The following DYNC1I1 variants were observed in gnomAD, a reference collection of about 807,000 sequenced individuals.
DYNC1I1 encodes dynein cytoplasmic 1 intermediate chain 1.
In DYNC1I1, 43 loss-of-function variants were observed where a neutral mutation model predicts 86.6. The ratio of observed to expected loss-of-function variants is 0.50; its 90% CI spans 0.39 to 0.64. DYNC1I1 has a LOEUF of 0.64. Ranked by LOEUF, DYNC1I1 falls within the 30% of genes least tolerant of loss-of-function variation. DYNC1I1 has a pLI of 0.00. For missense variants in DYNC1I1, 604 were observed against 788.8 expected, an observed-to-expected ratio of 0.77 and a Z score of 2.81; for synonymous variants, 262 against 283.7, an observed-to-expected ratio of 0.92 and a Z score of 0.77.
intron 14 of DYNC1I1, among the ~76,000 whole-genome samples, chr7:96,055,592 A>C (rs1356492835): frequency 2.6e-5 from 4 of 152,158 alleles, no homozygotes; most frequent in Non-Finnish European, 4.4e-5. Flanking sequence ...ATTGTGTGTA[A>C]TACTAGCAAA....
intron 6 of DYNC1I1, among the ~76,000 whole-genome samples, chr7:95,957,265 CT>C: frequency 6.6e-6 from 1 of 152,280 alleles, no homozygotes; most frequent in South Asian, 2.1e-4. Flanking sequence ...TTGTGAGTTG[CT>C]GCTTAGAAAT....
intron 16 of DYNC1I1, among the ~76,000 whole-genome samples, chr7:96,094,460 G>A (rs999443997): frequency 6.6e-6 from 1 of 152,150 alleles, no homozygotes; most frequent in Non-Finnish European, 1.5e-5. Context: ...ACTGCCAAGG[G>A]TAAGAAGGGC....
chr7:96,025,623 T>A (rs547761137), intron 10 of DYNC1I1, among the ~76,000 whole-genome samples: 3 of 152,250 alleles, frequency 2.0e-5, no homozygotes, highest in South Asian at 4.1e-4. Context: ...ACATTTAAAA[T>A]TTTTTGAAAT....
chr7:95,827,465 A>T (rs949576865), intron 4 of DYNC1I1, among the ~76,000 whole-genome samples: 33 of 152,224 alleles, frequency 2.2e-4, no homozygotes, highest in African/African-American at 7.7e-4. Flanking sequence ...GATATAATCA[A>T]TCCCTGACAT....
intron 2 of DYNC1I1, among the ~76,000 whole-genome samples, chr7:95,809,057 A>G (rs553563208): frequency 2.0e-5 from 3 of 152,284 alleles, no homozygotes; most frequent in Non-Finnish European, 4.4e-5. Flanking sequence ...ATTTTGGGTT[A>G]TGCAGAGTGT....
At chr7:95,824,361 C>G (rs901308593) in intron 4 of DYNC1I1, among the ~76,000 whole-genome samples, 3 of 151,946 alleles carry the variant, frequency 2.0e-5, no homozygotes, top group Non-Finnish European at 4.4e-5. Flanking sequence ...CCCTCTGTTA[C>G]AGTATTTTGT....
chr7:95,940,138 TG>T (rs1466330085), intron 6 of DYNC1I1, among the ~76,000 whole-genome samples: 7 of 152,256 alleles, frequency 4.6e-5, no homozygotes, highest in African/African-American at 1.7e-4. Flanking sequence ...CACTCTCTTC[TG>T]GCTTGCAGAG....
At chr7:95,970,393 A>G (rs1034392737) in intron 6 of DYNC1I1, among the ~76,000 whole-genome samples, 1 of 152,070 alleles carries the variant, frequency 6.6e-6, no homozygotes, top group Admixed American at 6.6e-5. Context: ...TAAAACCTCC[A>G]GTTTCTCTGC....
At chr7:95,998,511 A>G (rs1284161842) in intron 10 of DYNC1I1, among the ~76,000 whole-genome samples, 1 of 152,226 alleles carries the variant, frequency 6.6e-6, no homozygotes, top group East Asian at 1.9e-4. Context: ...CTTTTCTTCT[A>G]TCCTATCTGA....
At chr7:95,782,520 A>G (rs564383816) in intron 1 of DYNC1I1, among the ~76,000 whole-genome samples, 264 of 152,340 alleles carry the variant, frequency 1.7e-3, no homozygotes, top group Non-Finnish European at 2.7e-3. Context: ...GAGCATGCAG[A>G]CAGGCAGGTG....
intron 6 of DYNC1I1, among the ~76,000 whole-genome samples, chr7:95,871,973 C>A (rs976278671): frequency 4.6e-5 from 7 of 152,236 alleles, no homozygotes; most frequent in African/African-American, 1.4e-4. Context: ...TGGATTTGGA[C>A]AGAAAAACCT....
chr7:96,037,444 C>G (rs1292262986), intron 13 of DYNC1I1, among the ~76,000 whole-genome samples: 1 of 152,126 alleles, frequency 6.6e-6, no homozygotes, highest in Non-Finnish European at 1.5e-5. Context: ...ACACAAATAT[C>G]TGGAACATGA....
intron 6 of DYNC1I1, among the ~76,000 whole-genome samples, chr7:95,955,660 A>G (rs578234144): frequency 7.9e-4 from 121 of 152,260 alleles, no homozygotes; most frequent in African/African-American, 2.7e-3. Flanking sequence ...ATGTATGAAA[A>G]TGTTCACTTT....
intron 5 of DYNC1I1, among the ~76,000 whole-genome samples, chr7:95,836,469 T>C (rs1347310041): frequency 6.6e-6 from 1 of 151,434 alleles, no homozygotes; most frequent in African/African-American, 2.4e-5. Context: ...TCTCGAGGAG[T>C]ATCTTTGTGG....
At chr7:95,918,699 A>C (rs1318471683) in intron 6 of DYNC1I1, among the ~76,000 whole-genome samples, 1 of 152,204 alleles carries the variant, frequency 6.6e-6, no homozygotes, top group African/African-American at 2.4e-5. Flanking sequence ...GGTGAATGGA[A>C]GGTTGCTGAG....
intron 10 of DYNC1I1, among the ~76,000 whole-genome samples, chr7:96,013,900 T>G (rs1442716601): frequency 6.6e-6 from 1 of 152,136 alleles, no homozygotes; most frequent in Non-Finnish European, 1.5e-5. Flanking sequence ...ATGAAGAAAT[T>G]AAGCCCAACA....
intron 6 of DYNC1I1, among the ~76,000 whole-genome samples, chr7:95,872,931 G>A (rs1472123069): frequency 1.3e-5 from 2 of 152,150 alleles, no homozygotes; most frequent in African/African-American, 4.8e-5. Flanking sequence ...TTATTATAGT[G>A]AGTGAGTGCA....
intron 6 of DYNC1I1, among the ~76,000 whole-genome samples, chr7:95,900,649 C>T (rs936026686): frequency 2.0e-5 from 3 of 152,076 alleles, no homozygotes; most frequent in African/African-American, 7.3e-5. Flanking sequence ...AGGGAAAATA[C>T]GAGGGTTTGA....
At chr7:95,837,019 A>G (rs1238900265) in intron 5 of DYNC1I1, among the ~76,000 whole-genome samples, 6 of 152,126 alleles carry the variant, frequency 3.9e-5, no homozygotes, top group Admixed American at 6.5e-5. Flanking sequence ...GAGGAACTGC[A>G]TTCCTTTGGA....
Sources: allele counts gnomAD v4.1 joint callset (sites outside exome capture counted in the v4.1 genomes callset), GRCh38; gene constraint gnomAD v4.1.1; transcripts MANE v1.5; gene names NCBI Gene and HGNC (gene_info 2026-07-23, HGNC 2026-07-21).